Variants in PRCD observed in about 807,000 individuals in gnomAD.
PRCD encodes the protein photoreceptor disk component PRCD.
A neutral mutation model predicts 10.1 loss-of-function variants in PRCD; 12 were observed. The observed-to-expected ratio is 1.18, with a 90% CI of 0.76 to 1.92. The LOEUF is 1.92. PRCD is among the 40% of genes most tolerant of loss of function. The pLI, the probability that PRCD is intolerant of heterozygous loss-of-function variation, is 0.00. For missense variants in PRCD, 61 were observed against 72.2 expected, an observed-to-expected ratio of 0.84 and a Z score of 0.56; for synonymous variants, 31 against 26.2, an observed-to-expected ratio of 1.18 and a Z score of -0.56.
intron 1 of PRCD, chr17:76,529,358 C>G: frequency 1.0e-6 from 1 of 985,442 alleles, no homozygotes; most frequent in South Asian, 4.7e-5. Flanking sequence ...CATCTCCATT[C>G]AGTCCACAAG....
At position 76,531,802 on chromosome 17, in the gene PRCD, C is replaced by G. The variant is rs564012862; in HGVS notation, n.45+3969C>G. The G allele has an allele frequency of 1.2e-6, 1 of 841,456 alleles. No homozygotes were observed. The highest frequency in any genetic ancestry group is 1.8e-5 in the South Asian group (1 of 56,936). 52.1% of individuals were successfully genotyped at this position (841,456 alleles called of 1,614,324 possible). The stretch of plus-strand genomic sequence containing the variant: ...AGTGGACCGCAGTGCTCCCCACCCC[C>G]GCACCGTCACTGTTTTCACTACCAT... On this transcript the variant is annotated intron_variant and non_coding_transcript_variant, in intron 1 of 4. Coordinates refer to the PRCD transcript ENST00000397633. This position sits in a 1 kb window ranked among gnomAD's most constrained non-coding sequence, Gnocchi z 7.4.
chr17:76,529,398 G>A (rs186085584), intron 1 of PRCD: 14 of 985,416 alleles, frequency 1.4e-5, no homozygotes, highest in Non-Finnish European at 1.6e-5. Context: ...AGGAGACTTC[G>A]GCCGTTTCAA....
At chr17:76,549,243 C>T (rs534655761), downstream of PRCD, among the ~76,000 whole-genome samples, 6 of 152,214 alleles carry the variant, frequency 3.9e-5, no homozygotes, top group Admixed American at 6.5e-5. Flanking sequence ...TTTTACAATT[C>T]GATAATAAGA....
At chr17:76,534,128 TTCTC>T (rs1436503180) in intron 1 of PRCD, among the ~76,000 whole-genome samples, 10 of 133,428 alleles carry the variant, frequency 7.5e-5, no homozygotes, top group South Asian at 2.6e-4. Context: ...CTTTCTTTCT[TTCTC>T]TCTCTCTTTC....
Position 76,540,649 on chromosome 17 carries a change from G to GT in PRCD, c.143+77dup, listed in dbSNP as rs1266829835. The GT allele has an allele frequency of 7.2e-7, 1 of 1,398,336 alleles. No individual in the cohort carries two copies. Among genetic ancestry groups the GT allele is most frequent in the African/African-American group, 1.4e-5 (1 of 70,866 alleles). The allele number at this position is 1,398,336 out of a possible 1,614,324, so 86.6% of individuals were successfully genotyped here. ...TGGCTGTGCATGCCTGGGGGTGCAC[G>GT]TGTGTGCCTGTGCGCGCCTGTGCGT... On this transcript the variant is annotated intron_variant, in intron 2 of 4. Coordinates refer to ENST00000592014, the MANE Select transcript of PRCD (RefSeq NM_001077620.3). This position sits in a 1 kb window ranked among gnomAD's most constrained non-coding sequence, Gnocchi z 5.0.
At position 76,551,055 on chromosome 17, in the gene PRCD, GCA is replaced by G. The variant is rs143479567; in HGVS notation, n.84-2053_84-2052del. 9.2e-5 allele frequency: 14 copies of G among 152,348 alleles called. No homozygotes were observed. In the East Asian group the frequency reaches 2.5e-3, roughly 27 times the overall value. The allele number at this position is 152,348 out of a possible 1,614,324, so 9.4% of individuals were successfully genotyped here. A position where few individuals can be genotyped will look rare whatever the true frequency, so the allele number is the denominator to read the frequency against. On this transcript the variant is annotated intron_variant and non_coding_transcript_variant, in intron 1 of 1. Transcript: ENST00000587063. ...ACTTTCCTCCAAGTCCTCCTGGGTT[GCA>G]GACAATGTGCTAATCCACCTGCCAC...
Position 76,528,566 on chromosome 17 carries a change from G to T in PRCD, n.45+733G>T. The T allele has an allele frequency of 1.6e-6, 2 of 1,290,206 alleles. No individual in the cohort carries two copies. The highest frequency in any genetic ancestry group is 2.0e-6 in the Non-Finnish European group (2 of 1,011,194). 79.9% of individuals were successfully genotyped at this position (1,290,206 alleles called of 1,614,324 possible). On this transcript the variant is annotated intron_variant and non_coding_transcript_variant, in intron 1 of 4. Coordinates refer to the PRCD transcript ENST00000397633. This position sits in a 1 kb window ranked among gnomAD's most constrained non-coding sequence, Gnocchi z 5.8. ...CGAGGTGCTGCCAGGGAGGGGGGTG[G>T]AGTTAGGGGTCCTACGGCCCCGAAG...
At position 76,545,226 on chromosome 17, in the gene PRCD, C is replaced by A. The variant is rs898902283; in HGVS notation, c.*1576C>A. On this transcript the variant is annotated 3_prime_UTR_variant, in exon 5 of 5. Transcript: ENST00000592014. The stretch of plus-strand genomic sequence containing the variant: ...TTGCAGCTCCTGCTGCAGAAAGTTA[C>A]CTCTCTCAGCCTAGAGCTCCCCACA... The A allele has an allele frequency of 4.4e-6, 2 of 456,678 alleles. No individual in the cohort carries two copies. The highest frequency in any genetic ancestry group is 2.0e-5 in the African/African-American group (1 of 50,098). The allele number at this position is 456,678 out of a possible 1,614,324, so 28.3% of individuals were successfully genotyped here. A position where few individuals can be genotyped will look rare whatever the true frequency, so the allele number is the denominator to read the frequency against.
chr17:76,529,479 G>T, intron 1 of PRCD: 1 of 985,442 alleles, frequency 1.0e-6, no homozygotes, highest in Non-Finnish European at 1.2e-6. Context: ...AGCGTGCTGG[G>T]GAACTTGGGC....
chr17:76,550,193 T>G (rs2075096851), downstream of PRCD: 2 of 151,798 alleles, frequency 1.3e-5, no homozygotes, highest in African/African-American at 4.8e-5. Context: ...TGACCTCAAG[T>G]GATCCACCCG....
At chr17:76,537,422 C>G, upstream of PRCD, 1 of 1,598,014 alleles carries the variant, frequency 6.3e-7, no homozygotes, top group Non-Finnish European at 8.5e-7. Flanking sequence ...GCCACCCCCA[C>G]GTCCTCGCAG....
rs758173779 is a variant in PRCD, at chr17:76,540,228, C to T, written c.74+13C>T. ...ACCGAGTCCAACCGTGAGAAACTGA[C>T]CGGGCTATGGCTGGCGGTTGGTCGG... On this transcript the variant is annotated intron_variant, in intron 1 of 4. Coordinates refer to ENST00000592014, the MANE Select transcript of PRCD (RefSeq NM_001077620.3). This position sits in a 1 kb window ranked among gnomAD's most constrained non-coding sequence, Gnocchi z 5.0. The T allele has an allele frequency of 9.2e-7, 1 of 1,081,808 alleles. No homozygotes were observed. The highest frequency in any genetic ancestry group is 3.8e-5 in the East Asian group (1 of 26,628). 67.0% of individuals were successfully genotyped at this position (1,081,808 alleles called of 1,614,324 possible).
rs1307974808 is a variant in PRCD, at chr17:76,530,002, A to G, written n.45+2169A>G. 3.0e-6 allele frequency: 3 copies of G among 984,640 alleles called. No individual in the cohort carries two copies. Among genetic ancestry groups the G allele is most frequent in the Non-Finnish European group, 3.6e-6 (3 of 829,800 alleles). The allele number at this position is 984,640 out of a possible 1,614,324, so 61.0% of individuals were successfully genotyped here. ...TGGCGTCCCCAGCTGCCCTCAGGGG[A>G]CCTCCTCCAGGAGCTGTGCCTGTGA... On this transcript the variant is annotated intron_variant and non_coding_transcript_variant, in intron 1 of 4. Transcript: ENST00000397633. The surrounding 1 kb of genome is among the most constrained non-coding windows in gnomAD (Gnocchi z 6.1).
chr17:76,537,326 G>A, upstream of PRCD: 1 of 1,444,372 alleles, frequency 6.9e-7, no homozygotes, highest in Non-Finnish European at 9.1e-7. Context: ...CTCGGACCCG[G>A]GCCCAGCCCT....
downstream of PRCD, among the ~76,000 whole-genome samples, chr17:76,549,499 T>A: frequency 6.6e-6 from 1 of 152,186 alleles, no homozygotes; most frequent in East Asian, 1.9e-4. Flanking sequence ...GTCCAAGATG[T>A]CACCCTGTCA....
downstream of PRCD, among the ~76,000 whole-genome samples, chr17:76,548,781 C>T (rs914530231): frequency 2.0e-5 from 3 of 152,196 alleles, no homozygotes; most frequent in Non-Finnish European, 2.9e-5. Flanking sequence ...GATCCAGAAA[C>T]GGATTAAGAC....
intron 4 of PRCD, 56 bp downstream of exon 4, chr17:76,543,177 G>C: frequency 2.2e-6 from 1 of 455,424 alleles, no homozygotes; most frequent in South Asian, 1.6e-5. Flanking sequence ...CCCAGGCCCT[G>C]GGTGTGGGCT....
downstream of PRCD, among the ~76,000 whole-genome samples, chr17:76,549,705 C>T (rs1292425353): frequency 2.6e-5 from 4 of 152,180 alleles, no homozygotes; most frequent in African/African-American, 7.2e-5. Flanking sequence ...GATAAACACA[C>T]TGAGATATAT....
chr17:76,546,713 A>G (rs2075057138), downstream of PRCD: 1 of 152,242 alleles, frequency 6.6e-6, no homozygotes, highest in Non-Finnish European at 1.5e-5. This position sits in a 1 kb window ranked among gnomAD's most constrained non-coding sequence, Gnocchi z 4.5. Context: ...ACGGAAGCTT[A>G]TGTTAACATA....
Sources: gnomAD v4.1 joint callset for allele counts (sites outside exome capture counted in the v4.1 genomes callset) on GRCh38, gnomAD v4.1.1 for gene constraint, Gnocchi (gnomAD v3.1) non-coding constraint, MANE v1.5 for transcripts, NCBI Gene and HGNC (gene_info 2026-07-23, HGNC 2026-07-21) for gene names.